The following ERGIC1 variants were observed in gnomAD, a reference collection of about 807,000 sequenced individuals.
ERGIC1 encodes the protein endoplasmic reticulum-Golgi intermediate compartment protein 1.
In ERGIC1, 19 loss-of-function variants were observed where a neutral mutation model predicts 38.3. The observed-to-expected ratio is 0.50, with a 90% CI of 0.35 to 0.73. The LOEUF (loss-of-function observed/expected upper bound fraction) is 0.73. Among genes scored for constraint, ERGIC1 ranks in the 30% least tolerant of loss-of-function variants. The pLI is 0.01. For missense variants in ERGIC1, 294 were observed against 389.2 expected (o/e 0.76, Z 2.06); for synonymous variants, 124 against 157.6 (o/e 0.79, Z 1.60).
chr5:172,834,520 A>G lies in ERGIC1; in HGVS notation c.20+87A>G. The G allele has an allele frequency of 1.3e-5, 16 of 1,210,092 alleles. No individual in the cohort carries two copies. Among genetic ancestry groups the G allele is most frequent in the Non-Finnish European group, 1.7e-5 (16 of 965,958 alleles). The allele number at this position is 1,210,092 out of a possible 1,614,324, so 75.0% of individuals were successfully genotyped here. A position where few individuals can be genotyped will look rare whatever the true frequency, so the allele number is the denominator to read the frequency against. On this transcript the variant is annotated intron_variant, in intron 1 of 9. Transcript: ENST00000393784. This position sits in a 1 kb window ranked among gnomAD's most constrained non-coding sequence, Gnocchi z 4.1. ...ACGCCGCGGACCCCTCCCGCCCTGC[A>G]TGCAAAAGCGGCTCCCCGCCCTGTG...
intron 4 of ERGIC1, among the ~76,000 whole-genome samples, chr5:172,912,450 C>T (rs1051732355): frequency 6.6e-6 from 1 of 151,952 alleles, no homozygotes; most frequent in Non-Finnish European, 1.5e-5. Context: ...TGCGATGGCG[C>T]GATCTTAGCT....
At chr5:172,935,167 T>A in intron 8 of ERGIC1, 21 bp from the exon 9 acceptor site, 1 of 1,613,824 alleles carries the variant, frequency 6.2e-7, no homozygotes, top group Non-Finnish European at 8.5e-7. Context: ...GTACTTCTGA[T>A]TCTTATATCC....
chr5:172,864,201 CACAA>C (rs928621233), intron 1 of ERGIC1, among the ~76,000 whole-genome samples: 7 of 148,080 alleles, frequency 4.7e-5, no homozygotes, highest in East Asian at 2.1e-4. Flanking sequence ...CATCTCAAAA[CACAA>C]ACAAACAAAC....
intron 1 of ERGIC1, among the ~76,000 whole-genome samples, chr5:172,875,579 C>T (rs2113191661): frequency 6.6e-6 from 1 of 152,216 alleles, no homozygotes; most frequent in East Asian, 1.9e-4. Context: ...AATCAGAATC[C>T]AACAAGGTCT....
intron 3 of ERGIC1, among the ~76,000 whole-genome samples, chr5:172,907,563 A>G (rs1238543380): frequency 6.6e-6 from 1 of 152,074 alleles, no homozygotes; most frequent in Non-Finnish European, 1.5e-5. Context: ...GTCAAAAAAA[A>G]AAAAAGTATA....
chr5:172,888,460 A>G (rs1762475555), intron 1 of ERGIC1, among the ~76,000 whole-genome samples: 1 of 148,438 alleles, frequency 6.7e-6, no homozygotes, highest in African/African-American at 2.5e-5. Flanking sequence ...ACCCTGTTTA[A>G]AAAAAAAAAA....
At chr5:172,904,029 G>T (rs1762958275) in intron 3 of ERGIC1, among the ~76,000 whole-genome samples, 1 of 151,460 alleles carries the variant, frequency 6.6e-6, no homozygotes, top group Non-Finnish European at 1.5e-5. Flanking sequence ...TCACTCTCCT[G>T]CCCTGGGGCA....
chr5:172,872,844 G>GA (rs1376659147), intron 1 of ERGIC1, among the ~76,000 whole-genome samples: 9 of 151,516 alleles, frequency 5.9e-5, no homozygotes, highest in African/African-American at 1.9e-4. Flanking sequence ...AAAAAGAAAA[G>GA]AAAAAAAAGG....
At chr5:172,879,840 G>A (rs974752054) in intron 1 of ERGIC1, among the ~76,000 whole-genome samples, 2 of 152,042 alleles carry the variant, frequency 1.3e-5, no homozygotes, top group African/African-American at 4.8e-5. Flanking sequence ...TTTGTCGTGG[G>A]GGGACCTTCT....
chr5:172,875,708 C>T (rs1762127433), intron 1 of ERGIC1, among the ~76,000 whole-genome samples: 1 of 152,150 alleles, frequency 6.6e-6, no homozygotes, highest in African/African-American at 2.4e-5. Context: ...ATCCTCCCAC[C>T]TCAGCCTCCT....
chr5:172,910,550 G>GTTTT (rs1763180596), intron 4 of ERGIC1, among the ~76,000 whole-genome samples: 7 of 140,116 alleles, frequency 5.0e-5, no homozygotes, highest in African/African-American at 8.5e-5. Flanking sequence ...TTGAGACGGA[G>GTTTT]TTTCACTCCT....
chr5:172,854,555 C>T (rs534559768), intron 1 of ERGIC1, among the ~76,000 whole-genome samples: 1 of 152,280 alleles, frequency 6.6e-6, no homozygotes, highest in Non-Finnish European at 1.5e-5. Flanking sequence ...CATCCCAAAC[C>T]TGTGCCTGTC....
chr5:172,947,876 TTG>T (rs10566172), intron 9 of ERGIC1, among the ~76,000 whole-genome samples: 52,649 of 145,584 alleles, frequency 0.36, 9,461 homozygotes, highest in Non-Finnish European at 0.41. Context: ...CAGATGTGTT[TTG>T]TGTGTGTGTG....
intron 1 of ERGIC1, among the ~76,000 whole-genome samples, chr5:172,876,920 C>T (rs1359381713): frequency 1.3e-5 from 2 of 151,752 alleles, no homozygotes; most frequent in African/African-American, 2.4e-5. Context: ...CCAGCCTGGG[C>T]GACAAGAGTG....
rs995688687 is a variant in ERGIC1 at position 172,846,596 on chromosome 5, G to A, written c.20+12163G>A. On this transcript the variant is annotated intron_variant, in intron 1 of 9. Coordinates refer to ENST00000393784, the MANE Select transcript of ERGIC1 (RefSeq NM_001031711.3). The surrounding 1 kb of genome is among the most constrained non-coding windows in gnomAD (Gnocchi z 4.0). ...CTCCACAGTCTTTGGATTATGCCCTGTGCCCTTTGTAAGAAGAGCCAATAA... is the reference window on the plus strand; with the variant it reads ...CTCCACAGTCTTTGGATTATGCCCTATGCCCTTTGTAAGAAGAGCCAATAA... Among the ~76,000 whole-genome samples the A allele has an allele frequency of 3.3e-5, 5 of 152,182 alleles. No homozygotes were observed. The highest frequency in any genetic ancestry group is 6.5e-5 in the Admixed American group (1 of 15,280).
Position 172,837,661 on chromosome 5 carries a change from T to A in ERGIC1, c.20+3228T>A, listed in dbSNP as rs537544628. Among the ~76,000 whole-genome samples the A allele has an allele frequency of 2.9e-4, 44 of 152,324 alleles. No homozygotes were observed. Among genetic ancestry groups the A allele is most frequent in the Admixed American group, 1.1e-3 (17 of 15,302 alleles). On this transcript the variant is annotated intron_variant, in intron 1 of 9. Transcript: ENST00000393784. The surrounding 1 kb of genome is among the most constrained non-coding windows in gnomAD (Gnocchi z 4.3). ...GCCATTAGTGGAGAAATCTCCCCTC[T>A]CCACCCTTGAATCTGCCGTTCCTAG...
At chr5:172,857,021 G>A (rs1046178431) in intron 1 of ERGIC1, among the ~76,000 whole-genome samples, 1 of 152,180 alleles carries the variant, frequency 6.6e-6, no homozygotes, top group Non-Finnish European at 1.5e-5. Context: ...TTCACAGCTG[G>A]GGAATTCAAG....
chr5:172,872,295 G>A (rs992989513), intron 1 of ERGIC1, among the ~76,000 whole-genome samples: 3 of 152,122 alleles, frequency 2.0e-5, no homozygotes, highest in African/African-American at 7.2e-5. Context: ...TTATTTTTCT[G>A]TAAAAATGGG....
chr5:172,857,588 G>GCA (rs1761583085), intron 1 of ERGIC1, among the ~76,000 whole-genome samples: 1 of 132,610 alleles, frequency 7.5e-6, no homozygotes, highest in Non-Finnish European at 1.6e-5. Flanking sequence ...TAATAATGGT[G>GCA]CCCCCCCCAC....
Sources: allele counts gnomAD v4.1 joint callset (sites outside exome capture counted in the v4.1 genomes callset), GRCh38; gene constraint gnomAD v4.1.1; non-coding constraint Gnocchi (gnomAD v3.1); transcripts MANE v1.5; gene names NCBI Gene and HGNC (gene_info 2026-07-23, HGNC 2026-07-21).